Variants in CACNA2D3 observed in about 807,000 individuals in gnomAD.
CACNA2D3 encodes voltage-dependent calcium channel subunit alpha-2/delta-3.
A neutral mutation model predicts 160.6 loss-of-function variants in CACNA2D3; 60 were observed. The ratio of observed to expected loss-of-function variants is 0.37; its 90% confidence interval spans 0.30 to 0.46. The LOEUF is 0.46. Ranked by LOEUF, CACNA2D3 falls within the 20% of genes least tolerant of loss-of-function variation. CACNA2D3 has a pLI of 1.00. For synonymous variants in CACNA2D3, 558 were observed against 492.9 expected (o/e 1.13, Z -1.75); for missense variants, 1,205 against 1,365.0 (o/e 0.88, Z 1.85).
At chr3:54,903,767 A>G (rs4481126) in intron 27 of CACNA2D3, among the ~76,000 whole-genome samples, 103,867 of 152,028 alleles carry the variant, frequency 0.68, 35,824 homozygotes, top group East Asian at 0.86. Flanking sequence ...GTGTGAGATG[A>G]TATCTCATTG....
intron 4 of CACNA2D3, among the ~76,000 whole-genome samples, chr3:54,501,517 C>T (rs1326365340): frequency 6.6e-6 from 1 of 151,728 alleles, no homozygotes; most frequent in Non-Finnish European, 1.5e-5. Flanking sequence ...GGTGATCCTC[C>T]TCGTTCAGCC....
chr3:54,788,082 C>G (rs979787765), intron 13 of CACNA2D3, among the ~76,000 whole-genome samples: 1 of 152,192 alleles, frequency 6.6e-6, no homozygotes, highest in South Asian at 2.1e-4. Flanking sequence ...AATACTGTTA[C>G]TGCATTTATA....
At chr3:54,626,601 G>GC in intron 9 of CACNA2D3, 1 of 1,487,166 alleles carries the variant, frequency 6.7e-7, no homozygotes, top group Non-Finnish European at 9.3e-7. Context: ...AGCACGGCGG[G>GC]CCCGGCATCG....
chr3:54,646,314 A>G (rs1299120318), intron 11 of CACNA2D3, among the ~76,000 whole-genome samples: 1 of 151,294 alleles, frequency 6.6e-6, no homozygotes, highest in Non-Finnish European at 1.5e-5. Flanking sequence ...TTACATAGGT[A>G]AACATGTGCC....
chr3:54,689,694 G>A (rs1700537730), intron 11 of CACNA2D3, among the ~76,000 whole-genome samples: 1 of 151,814 alleles, frequency 6.6e-6, no homozygotes, highest in Admixed American at 6.6e-5. Flanking sequence ...CAATCCTCGT[G>A]GCTCTACCTC....
intron 13 of CACNA2D3, among the ~76,000 whole-genome samples, chr3:54,770,775 T>C (rs1468608562): frequency 1.3e-5 from 2 of 152,216 alleles, no homozygotes; most frequent in Non-Finnish European, 2.9e-5. Flanking sequence ...ATGCCAGTGG[T>C]AATTTTATCA....
At chr3:54,654,663 T>C (rs942373354) in intron 11 of CACNA2D3, among the ~76,000 whole-genome samples, 1 of 152,120 alleles carries the variant, frequency 6.6e-6, no homozygotes, top group African/African-American at 2.4e-5. Context: ...GGGCAAGTGC[T>C]AAGGTCTCTG....
rs143114844 is a variant in CACNA2D3, at chr3:54,767,825, G to T, written c.1380+3474G>T. ...TCATTGGTCAAATCTGGGACAATTTGAGCCTCAAAATAAGGAATGACAATA... is the reference window on the plus strand; with the variant it reads ...TCATTGGTCAAATCTGGGACAATTTTAGCCTCAAAATAAGGAATGACAATA... On this transcript the variant is annotated intron_variant, in intron 13 of 37. Coordinates refer to ENST00000474759, the MANE Select transcript of CACNA2D3 (RefSeq NM_018398.3). Among the ~76,000 whole-genome samples, 12 of 152,264 alleles carry T rather than the reference G, an allele frequency of 7.9e-5. No individual in the cohort carries two copies. The East Asian group carries it at 2.3e-3, about 29-fold the overall frequency.
In CACNA2D3 at chr3:54,763,802, C is replaced by A. The variant is rs1209079864; in HGVS notation, c.1247-416C>A. ...GTACATATATATGTATATATATGTA[C>A]ATATATATACATATATATATACGTA... On this transcript the variant is annotated intron_variant, in intron 12 of 37. Transcript: ENST00000474759. Among the ~76,000 whole-genome samples the A allele has an allele frequency of 1.5e-4, 2 of 13,316 alleles. 1 individual carries two copies. Among genetic ancestry groups the A allele is most frequent in the Non-Finnish European group, 4.0e-4 (2 of 4,992 alleles). 8.7% of individuals were successfully genotyped at this position (13,316 alleles called of 152,430 possible). A position where few individuals can be genotyped will look rare whatever the true frequency, so the allele number is the denominator to read the frequency against.
At chr3:54,256,573 C>G (rs903446607) in intron 2 of CACNA2D3, among the ~76,000 whole-genome samples, 6 of 152,064 alleles carry the variant, frequency 3.9e-5, no homozygotes, top group Non-Finnish European at 7.4e-5. Flanking sequence ...TTGTAGGTCT[C>G]CCCAAGTTTA....
chr3:54,431,895 A>G (rs888368604), intron 4 of CACNA2D3, among the ~76,000 whole-genome samples: 1 of 152,222 alleles, frequency 6.6e-6, no homozygotes, highest in Admixed American at 6.5e-5. Context: ...GGCATGAGCC[A>G]CCACACCTGG....
intron 11 of CACNA2D3, among the ~76,000 whole-genome samples, chr3:54,687,115 C>CTTTTTTTTTTTTTTTTTTTT (rs1338617031): frequency 4.9e-5 from 2 of 40,882 alleles, no homozygotes; most frequent in Non-Finnish European, 1.0e-4. Flanking sequence ...TTTTCTTTTT[C>CTTTTTTTTTTTTTTTTTTTT]TTTTTCTTTT....
At chr3:54,755,506 T>G (rs1428309223) in intron 12 of CACNA2D3, among the ~76,000 whole-genome samples, 1 of 152,240 alleles carries the variant, frequency 6.6e-6, no homozygotes, top group Non-Finnish European at 1.5e-5. Flanking sequence ...AACATATCCT[T>G]GAAGCTCTAA....
intron 11 of CACNA2D3, among the ~76,000 whole-genome samples, chr3:54,685,736 G>A (rs1358974444): frequency 1.3e-5 from 2 of 152,198 alleles, no homozygotes; most frequent in Admixed American, 6.5e-5. Flanking sequence ...ACAGACAACT[G>A]CAGGAAGACT....
intron 6 of CACNA2D3, among the ~76,000 whole-genome samples, chr3:54,566,001 TTGAA>T (rs1702403759): frequency 6.6e-6 from 1 of 152,206 alleles, no homozygotes; most frequent in Non-Finnish European, 1.5e-5. Context: ...TATGTGTTTG[TTGAA>T]TGAATGAATC....
At chr3:54,670,465 G>A (rs1700139415) in intron 11 of CACNA2D3, among the ~76,000 whole-genome samples, 1 of 152,128 alleles carries the variant, frequency 6.6e-6, no homozygotes, top group African/African-American at 2.4e-5. Context: ...TCCCTTTACA[G>A]GCGCAAATAA....
intron 2 of CACNA2D3, among the ~76,000 whole-genome samples, chr3:54,280,332 C>T (rs555877443): frequency 1.4e-4 from 22 of 152,270 alleles, no homozygotes; most frequent in African/African-American, 4.1e-4. Context: ...CCGCCCTCCT[C>T]GGCCTCCCAA....
chr3:54,282,488 C>A (rs1440894239), intron 2 of CACNA2D3, among the ~76,000 whole-genome samples: 1 of 152,170 alleles, frequency 6.6e-6, no homozygotes, highest in African/African-American at 2.4e-5. Flanking sequence ...CTCCAGCACC[C>A]TCATGAGGGG....
At chr3:54,757,233 A>G (rs995179491) in intron 12 of CACNA2D3, among the ~76,000 whole-genome samples, 1 of 152,088 alleles carries the variant, frequency 6.6e-6, no homozygotes, top group Non-Finnish European at 1.5e-5. Flanking sequence ...AAGGGCCTCC[A>G]TGTTTGGGTT....
Sources: allele counts gnomAD v4.1 joint callset (sites outside exome capture counted in the v4.1 genomes callset), GRCh38; gene constraint gnomAD v4.1.1; transcripts MANE v1.5; gene names NCBI Gene and HGNC (gene_info 2026-07-23, HGNC 2026-07-21).